Variants in BICC1 observed in about 807,000 individuals in gnomAD.
BICC1 encodes protein bicaudal C homolog 1.
In BICC1, 43 loss-of-function variants were observed where a neutral mutation model predicts 111.0. That is an observed-to-expected ratio of 0.39 (90% CI 0.30 to 0.50). The LOEUF (loss-of-function observed/expected upper bound fraction) is 0.50, where lower values mean the gene tolerates loss of function less well. Among genes scored for constraint, BICC1 ranks in the 20% least tolerant of loss-of-function variants. BICC1 has a pLI of 0.88. For synonymous variants in BICC1, 467 were observed against 434.4 expected, an observed-to-expected ratio of 1.07 and a Z score of -0.93; for missense variants, 1,091 against 1,203.2, an observed-to-expected ratio of 0.91 and a Z score of 1.38.
rs73296722 is a variant in BICC1 at position 58,779,874 on chromosome 10, T to A, written c.308-5127T>A. 2.8e-3 allele frequency among the ~76,000 whole-genome samples: 421 copies of A among 152,360 alleles called. 1 individual carries two copies. The highest frequency in any genetic ancestry group is 9.7e-3 in the African/African-American group (402 of 41,590). ...ACGCCCTTGAGAAGCCTGGGGCTTT[T>A]TCTGACACTTTTTTTTCTTTCTGAG... On this transcript the variant is annotated intron_variant, in intron 3 of 20. Transcript: ENST00000373886.
In BICC1 at chr10:58,801,050, T is replaced by G. The variant is rs989654656; in HGVS notation, c.2015+4T>G. 2 of 1,590,996 alleles carry G rather than the reference T, an allele frequency of 1.3e-6. No homozygotes were observed. Among genetic ancestry groups the G allele is most frequent in the African/African-American group, 2.7e-5 (2 of 73,590 alleles). On this transcript the variant is annotated splice_donor_region_variant and intron_variant, in intron 14 of 20. Coordinates refer to ENST00000373886, the MANE Select transcript of BICC1 (RefSeq NM_001080512.3). Reference sequence around the variant, plus strand: ...GCACGAAAAACTCACACTTACAGTATGTATTTTAATCTTTAAAGAGCCCTT... The same window carrying G: ...GCACGAAAAACTCACACTTACAGTAGGTATTTTAATCTTTAAAGAGCCCTT...
At chr10:58,600,082 G>A (rs2132068793) in intron 1 of BICC1, among the ~76,000 whole-genome samples, 1 of 152,206 alleles carries the variant, frequency 6.6e-6, no homozygotes, top group African/African-American at 2.4e-5. Flanking sequence ...CCTAATTGCT[G>A]ATGGGGAAGC....
At chr10:58,762,830 C>G (rs747011962) in intron 3 of BICC1, among the ~76,000 whole-genome samples, 47 of 152,148 alleles carry the variant, frequency 3.1e-4, no homozygotes, top group Non-Finnish European at 5.6e-4. Context: ...AAAGAGTTCT[C>G]TCTCTCCAGA....
At chr10:58,526,501 CAT>C (rs1012436754) in intron 1 of BICC1, among the ~76,000 whole-genome samples, 60 of 151,842 alleles carry the variant, frequency 4.0e-4, no homozygotes, top group African/African-American at 1.4e-3. Flanking sequence ...TAACTCATCA[CAT>C]GTGTCATATT....
At chr10:58,783,774 T>C (rs1169243567) in intron 3 of BICC1, among the ~76,000 whole-genome samples, 2 of 152,344 alleles carry the variant, frequency 1.3e-5, no homozygotes, top group Admixed American at 6.5e-5. Context: ...TCAATGGTTG[T>C]GATAATCATA....
chr10:58,825,320 A>G (rs138706351), intron 20 of BICC1, among the ~76,000 whole-genome samples: 1 of 152,326 alleles, frequency 6.6e-6, no homozygotes, highest in East Asian at 1.9e-4. Flanking sequence ...TTTTCAATAA[A>G]TATATTGAAA....
Position 58,570,947 on chromosome 10 carries a change from C to T in BICC1, c.191-49908C>T, listed in dbSNP as rs146178300. On this transcript the variant is annotated intron_variant, in intron 1 of 20. Coordinates refer to ENST00000373886, the MANE Select transcript of BICC1 (RefSeq NM_001080512.3). ...AAAATGCTGCTGATCTTGTTTTGCT[C>T]TTTTTGGGTAGAAATGTTTGCTTGA... Among the ~76,000 whole-genome samples, 720 of 152,198 alleles carry T rather than the reference C, an allele frequency of 4.7e-3. 9 individuals carry two copies. The highest frequency in any genetic ancestry group is 0.016 in the African/African-American group (668 of 41,524).
intron 1 of BICC1, among the ~76,000 whole-genome samples, chr10:58,613,650 G>A (rs935293842): frequency 2.0e-5 from 3 of 152,152 alleles, no homozygotes; most frequent in African/African-American, 7.2e-5. Flanking sequence ...TCCAGTGTTG[G>A]GTTCGGAGTG....
At chr10:58,556,959 C>T (rs1018176546) in intron 1 of BICC1, among the ~76,000 whole-genome samples, 1 of 152,166 alleles carries the variant, frequency 6.6e-6, no homozygotes, top group African/African-American at 2.4e-5. Flanking sequence ...TCTACATTCT[C>T]ATTCCAGGAA....
At position 58,804,460 on chromosome 10, in the gene BICC1, G is replaced by C. The variant is rs147233877; in HGVS notation, c.2181+1218G>C. Among the ~76,000 whole-genome samples the C allele has an allele frequency of 7.6e-3, 1,160 of 152,244 alleles. 17 individuals are homozygous for C. Among genetic ancestry groups the C allele is most frequent in the African/African-American group, 0.026 (1,095 of 41,534 alleles). ...CTGAGCCTGGGAGGCAGAGGTTGCT[G>C]TGAGCCAAGATTGCACCACTGCACT... On this transcript the variant is annotated intron_variant, in intron 15 of 20. Coordinates refer to ENST00000373886, the MANE Select transcript of BICC1 (RefSeq NM_001080512.3).
rs1387408737 is a variant in BICC1 at position 58,831,351 on chromosome 10, A to G, written c.*2460A>G. Reference sequence around the variant, plus strand: ...TTTCCAAAAACGAGAGATGGAATTAACATTGAAAATGGGAAATTTTTCTAA... The same window carrying G: ...TTTCCAAAAACGAGAGATGGAATTAGCATTGAAAATGGGAAATTTTTCTAA... On this transcript the variant is annotated 3_prime_UTR_variant, in exon 21 of 21. Transcript: ENST00000373886. The G allele has an allele frequency of 1.3e-5, 2 of 152,174 alleles. No homozygotes were observed. Among genetic ancestry groups the G allele is most frequent in the African/African-American group, 4.8e-5 (2 of 41,450 alleles). The allele number at this position is 152,174 out of a possible 1,614,324, so 9.4% of individuals were successfully genotyped here.
chr10:58,517,781 A>G (rs1006556887), intron 1 of BICC1, among the ~76,000 whole-genome samples: 3 of 152,222 alleles, frequency 2.0e-5, no homozygotes, highest in Non-Finnish European at 4.4e-5. Context: ...CTCCTGAGGT[A>G]GTTTTGAAAA....
chr10:58,531,900 G>GA (rs1294253308), intron 1 of BICC1, among the ~76,000 whole-genome samples: 1 of 151,690 alleles, frequency 6.6e-6, no homozygotes, highest in Non-Finnish European at 1.5e-5. Context: ...AAAGAAAAAG[G>GA]AAAAATGAAG....
At chr10:58,693,707 T>C (rs536867535) in intron 2 of BICC1, among the ~76,000 whole-genome samples, 86 of 152,220 alleles carry the variant, frequency 5.6e-4, no homozygotes, top group African/African-American at 2.0e-3. Flanking sequence ...TTGATGGGGT[T>C]GTTTGTTTTT....
intron 2 of BICC1, among the ~76,000 whole-genome samples, chr10:58,683,848 T>G (rs1839619614): frequency 1.3e-5 from 2 of 152,238 alleles, no homozygotes; most frequent in African/African-American, 4.8e-5. Context: ...CCTCTTTTCC[T>G]AATTGAATAC....
chr10:58,572,362 G>GCCATTGCTTTTGGTGTT (rs1843983264), intron 1 of BICC1, among the ~76,000 whole-genome samples: 1 of 152,006 alleles, frequency 6.6e-6, no homozygotes, highest in Non-Finnish European at 1.5e-5. Flanking sequence ...TGCTTTTGTT[G>GCCATTGCTTTTGGTGTT]TGACACGTCT....
chr10:58,540,304 TAA>T (rs34307091), intron 1 of BICC1, among the ~76,000 whole-genome samples: 3 of 142,782 alleles, frequency 2.1e-5, no homozygotes, highest in Admixed American at 2.0e-4. Flanking sequence ...AGAAAAAGAG[TAA>T]AAAAAAAAGG....
chr10:58,793,714 T>C, intron 9 of BICC1, 99 bp downstream of exon 9: 1 of 1,352,326 alleles, frequency 7.4e-7, no homozygotes, highest in Non-Finnish European at 1.0e-6. Context: ...CATGAAACTG[T>C]TACTCTATAC....
intron 20 of BICC1, 121 bp from the exon 21 acceptor site, chr10:58,828,640 C>G: frequency 9.9e-7 from 1 of 1,010,038 alleles, no homozygotes; most frequent in Non-Finnish European, 1.4e-6. Context: ...CCTTTTGATA[C>G]CAGACTTGAC....
Sources: gnomAD v4.1 joint callset for allele counts (sites outside exome capture counted in the v4.1 genomes callset) on GRCh38, gnomAD v4.1.1 for gene constraint, MANE v1.5 for transcripts, NCBI Gene and HGNC (gene_info 2026-07-23, HGNC 2026-07-21) for gene names.